Variants in PPIG observed in about 807,000 individuals in gnomAD.
PPIG encodes peptidylprolyl isomerase G.
In PPIG, 26 loss-of-function variants were observed where a neutral mutation model predicts 87.9. That is an observed-to-expected ratio of 0.30 (90% CI 0.22 to 0.41). The LOEUF is 0.41. Ranked by LOEUF, PPIG falls within the 10% of genes least tolerant of loss-of-function variation. The pLI, the probability that PPIG is intolerant of heterozygous loss-of-function variation, is 1.00. For missense variants in PPIG, 722 were observed against 879.4 expected, an observed-to-expected ratio of 0.82 and a Z score of 2.26; for synonymous variants, 308 against 276.5, an observed-to-expected ratio of 1.11 and a Z score of -1.13.
intron 1 of PPIG, among the ~76,000 whole-genome samples, chr2:169,592,662 A>C (rs952192633): frequency 2.6e-5 from 4 of 151,448 alleles, no homozygotes; most frequent in African/African-American, 9.7e-5. Flanking sequence ...CTGGTCTTGA[A>C]CTCCTGGGCT....
intron 9 of PPIG, among the ~76,000 whole-genome samples, chr2:169,616,964 G>A (rs1685622958): frequency 6.6e-6 from 1 of 151,916 alleles, no homozygotes; most frequent in South Asian, 2.1e-4. Context: ...TTTATTCTAG[G>A]GTTTTTATGG....
At chr2:169,606,971 T>A (rs1685348788) in intron 5 of PPIG, 133 bp from the exon 6 acceptor site, 1 of 665,874 alleles carries the variant, frequency 1.5e-6, no homozygotes, top group Admixed American at 2.7e-5. Context: ...TAATATCTTT[T>A]ATGATTTGCT....
At chr2:169,608,479 G>T (rs1685395054) in intron 6 of PPIG, among the ~76,000 whole-genome samples, 192 bp from the exon 7 acceptor site, 1 of 150,134 alleles carries the variant, frequency 6.7e-6, no homozygotes, top group Non-Finnish European at 1.5e-5. Flanking sequence ...AACAGAGCGA[G>T]ACTCCATCTC....
intron 9 of PPIG, among the ~76,000 whole-genome samples, chr2:169,628,939 C>CAAAAAAAAAAAAAA (rs71006010): frequency 1.1e-4 from 10 of 92,330 alleles, no homozygotes; most frequent in African/African-American, 4.1e-4. Flanking sequence ...ACCCTGTCTC[C>CAAAAAAAAAAAAAA]AAAAAAAAAA....
Position 169,637,858 on chromosome 2 carries a change from A to G in PPIG, c.*335A>G, listed in dbSNP as rs538227027. ...TAGTCAGCCATTTGGAATGGTTGCAATGCATTGTTGCAAAAGCTTGTGTTT... is the reference window on the plus strand; with the variant it reads ...TAGTCAGCCATTTGGAATGGTTGCAGTGCATTGTTGCAAAAGCTTGTGTTT... On this transcript the variant is annotated 3_prime_UTR_variant, in exon 14 of 14. Coordinates refer to ENST00000260970, the MANE Select transcript of PPIG (RefSeq NM_004792.3). 1.2e-4 allele frequency: 20 copies of G among 170,260 alleles called. 1 individual carries two copies. The highest frequency in any genetic ancestry group is 1.9e-4 in the Non-Finnish European group (15 of 79,978). The allele number at this position is 170,260 out of a possible 1,614,324, so 10.5% of individuals were successfully genotyped here.
rs747727726 is a variant in PPIG at position 169,607,081 on chromosome 2, AAG to A, written c.245-20_245-19del. The A allele has an allele frequency of 4.0e-6, 6 of 1,504,168 alleles. No homozygotes were observed. The African/African-American group carries it at 6.9e-5, about 17-fold the overall frequency. The allele number at this position is 1,504,168 out of a possible 1,614,324, so 93.2% of individuals were successfully genotyped here. A position where few individuals can be genotyped will look rare whatever the true frequency, so the allele number is the denominator to read the frequency against. Reference sequence around the variant, plus strand: ...CTTTGAGGAGCTTACTGAGAGTTATAAGAGTATGTTTTTCATTTTTAGGAAAT... The same window carrying A: ...CTTTGAGGAGCTTACTGAGAGTTATAAGTATGTTTTTCATTTTTAGGAAAT... On this transcript the variant is annotated intron_variant, in intron 5 of 13. Transcript: ENST00000260970.
At chr2:169,605,093 G>T (rs972093169) in intron 4 of PPIG, among the ~76,000 whole-genome samples, 5 of 152,194 alleles carry the variant, frequency 3.3e-5, no homozygotes, top group African/African-American at 1.2e-4. Context: ...CAGCACTTTG[G>T]AAGGCCAAGG....
intron 1 of PPIG, among the ~76,000 whole-genome samples, chr2:169,598,263 TG>T (rs1685077094): frequency 6.6e-6 from 1 of 152,084 alleles, no homozygotes. Flanking sequence ...CCTTCTAAAG[TG>T]TAAGCCACTG....
At chr2:169,623,201 A>G (rs1685801992) in intron 9 of PPIG, among the ~76,000 whole-genome samples, 1 of 152,192 alleles carries the variant, frequency 6.6e-6, no homozygotes, top group South Asian at 2.1e-4. Flanking sequence ...AGGCTCAGCA[A>G]AGGGCTGTCA....
intron 7 of PPIG, among the ~76,000 whole-genome samples, chr2:169,610,746 A>G (rs1460189374): frequency 1.3e-5 from 2 of 152,174 alleles, no homozygotes; most frequent in African/African-American, 4.8e-5. Context: ...TACCATGTAT[A>G]CTGTTTCACT....
intron 1 of PPIG, among the ~76,000 whole-genome samples, chr2:169,594,820 A>G (rs1036889577): frequency 6.6e-6 from 1 of 151,664 alleles, no homozygotes; most frequent in African/African-American, 2.4e-5. Flanking sequence ...TGGAGACGGA[A>G]TTTCACCATG....
In PPIG at chr2:169,588,090, G is replaced by A. The variant is rs527652594; in HGVS notation, c.-70+3600G>A. Among the ~76,000 whole-genome samples the A allele has an allele frequency of 7.2e-5, 11 of 152,166 alleles. No homozygotes were observed. In the South Asian group the frequency reaches 2.1e-3, roughly 29 times the overall value. ...TGAGGCAGGAGAATCGCTTGAACCC[G>A]GGAGGTGGAGGTTGCAGTGATCCGA... On this transcript the variant is annotated intron_variant, in intron 1 of 13. Transcript: ENST00000260970.
At position 169,630,882 on chromosome 2, in the gene PPIG, C is replaced by T; in HGVS notation, c.656C>T (p.Ser219Phe). 6.2e-7 allele frequency: 1 copy of T among 1,612,140 alleles called. No individual in the cohort carries two copies. The highest frequency in any genetic ancestry group is 8.5e-7 in the Non-Finnish European group (1 of 1,179,300). The change falls in exon 10 of 14, where the codon TCC (serine) becomes TTC (phenylalanine). Residue 219 changes from serine to phenylalanine, a missense_variant. Coordinates refer to ENST00000260970, the MANE Select transcript of PPIG (RefSeq NM_004792.3). ...DSQSSSDSSD[S>F]ESATEEKSKK... Reference sequence around the variant, plus strand: ...CAGTCCTCTTCTGATTCCTCTGATTCCGAAAGTGCTACTGAAGAGAAATCA... The same window carrying T: ...CAGTCCTCTTCTGATTCCTCTGATTTCGAAAGTGCTACTGAAGAGAAATCA...
chr2:169,633,315 T>C lies in PPIG; in HGVS notation c.1017+68T>C, dbSNP rs142957668. On this transcript the variant is annotated intron_variant, in intron 12 of 13. Transcript: ENST00000260970. ...GTCTTCCTTAAATAATTTTAGGGTG[T>C]TTCTTAAATATTATTTTAATGTGCA... is the stretch of plus-strand genomic sequence containing the variant. 3 of 1,218,540 alleles carry C rather than the reference T, an allele frequency of 2.5e-6. No individual in the cohort carries two copies. The South Asian group carries it at 3.8e-5, about 16-fold the overall frequency. The allele number at this position is 1,218,540 out of a possible 1,614,324, so 75.5% of individuals were successfully genotyped here.
At position 169,622,480 on chromosome 2, in the gene PPIG, C is replaced by T. The variant is rs1054840308; in HGVS notation, c.547+7756C>T. Among the ~76,000 whole-genome samples the T allele has an allele frequency of 2.0e-5, 3 of 152,170 alleles. No homozygotes were observed. In the East Asian group the frequency reaches 5.8e-4, roughly 29 times the overall value. On this transcript the variant is annotated intron_variant, in intron 9 of 13. Coordinates refer to ENST00000260970, the MANE Select transcript of PPIG (RefSeq NM_004792.3). ...ATGGTTTTGCCCATGCCATTGGGGC[C>T]AGGAAGTTGTGCTAAAAGTTGATGT...
chr2:169,594,333 A>AC (rs1553543617), intron 1 of PPIG, among the ~76,000 whole-genome samples: 2 of 151,602 alleles, frequency 1.3e-5, no homozygotes, highest in Non-Finnish European at 2.9e-5. Flanking sequence ...GCAAAAAAAA[A>AC]AAAACGCATT....
At chr2:169,627,242 G>A (rs991462078) in intron 9 of PPIG, among the ~76,000 whole-genome samples, 5 of 151,806 alleles carry the variant, frequency 3.3e-5, no homozygotes, top group Admixed American at 2.6e-4. Context: ...GGGATTACGC[G>A]TGTGCACCAC....
chr2:169,591,007 T>A (rs1195062171), intron 1 of PPIG, among the ~76,000 whole-genome samples: 1 of 152,182 alleles, frequency 6.6e-6, no homozygotes, highest in South Asian at 2.1e-4. Context: ...ACCCTGTCTC[T>A]AAAAATAGAA....
chr2:169,621,937 A>G (rs1035885747), intron 9 of PPIG, among the ~76,000 whole-genome samples: 1 of 121,984 alleles, frequency 8.2e-6, no homozygotes, highest in Admixed American at 7.7e-5. Context: ...CCAAAAAAAA[A>G]AAAAATTTTT....
Sources: gnomAD v4.1 joint callset for allele counts (sites outside exome capture counted in the v4.1 genomes callset) on GRCh38, gnomAD v4.1.1 for gene constraint, MANE v1.5 for transcripts, NCBI Gene and HGNC (gene_info 2026-07-23, HGNC 2026-07-21) for gene names.